The following FLCN variants were observed in gnomAD, a reference collection of about 807,000 sequenced individuals.
FLCN encodes BHD skin lesion fibrofolliculoma protein.
In FLCN, 22 loss-of-function variants were observed where a neutral mutation model predicts 62.5. That is an observed-to-expected ratio of 0.35 (90% CI 0.25 to 0.50). The LOEUF (loss-of-function observed/expected upper bound fraction) is 0.50, where lower values mean the gene tolerates loss of function less well. Among genes scored for constraint, FLCN ranks in the 20% least tolerant of loss-of-function variants. FLCN has a pLI of 0.97. For missense variants in FLCN, 657 were observed against 778.0 expected (o/e 0.84, Z 1.85); for synonymous variants, 319 against 310.0 (o/e 1.03, Z -0.30).
At position 17,226,290 on chromosome 17, in the gene FLCN, T is replaced by C. The variant is rs750553308; in HGVS notation, c.282A>G (p.Gly94=). The change falls in exon 5 of 14, where the codon GGA becomes GGG. Residue 94 remains glycine, a synonymous_variant. Coordinates refer to ENST00000285071, the MANE Select transcript of FLCN (RefSeq NM_144997.7). ...AGGTCTCTTTATCATGGCTGATATA[T>C]CCCGGGTGCCCTGCAGCAAGTGACC... ...GCRSLAAGHP[G]YISHDKETSI... 6.2e-7 allele frequency: 1 copy of C among 1,614,134 alleles called. No homozygotes were observed. The highest frequency in any genetic ancestry group is 1.1e-5 in the South Asian group (1 of 91,082).
At chr17:17,234,403 G>A (rs1019714006) in intron 1 of FLCN, among the ~76,000 whole-genome samples, 2 of 149,584 alleles carry the variant, frequency 1.3e-5, no homozygotes. Context: ...GTAGAGATGG[G>A]GTTTCGCCAT....
intron 6 of FLCN, chr17:17,222,985 G>A (rs1307772099): frequency 2.4e-6 from 1 of 418,000 alleles, no homozygotes; most frequent in Non-Finnish European, 4.5e-6. Context: ...CCCCTTCTGG[G>A]TGCACTACTT....
chr17:17,214,295 CA>C (rs11333971), intron 13 of FLCN, among the ~76,000 whole-genome samples: 35,447 of 145,416 alleles, frequency 0.24, 6,090 homozygotes, highest in African/African-American at 0.5. Flanking sequence ...AATTTGCTTA[CA>C]AAAAAAAAAA....
intron 8 of FLCN, chr17:17,220,493 T>C (rs2047056223): frequency 6.6e-6 from 1 of 152,266 alleles, no homozygotes; most frequent in African/African-American, 2.4e-5. Context: ...AACATCTCCA[T>C]TTCACATCAC....
At chr17:17,222,992 ACTT>A (rs1284420698) in intron 6 of FLCN, 15 of 409,108 alleles carry the variant, frequency 3.7e-5, no homozygotes, top group Admixed American at 1.1e-4. Context: ...TGGGTGCACT[ACTT>A]GGCTAAGGCA....
intron 8 of FLCN, chr17:17,220,186 A>C (rs2047049071): frequency 6.6e-6 from 1 of 152,278 alleles, no homozygotes; most frequent in South Asian, 2.1e-4. Context: ...GTGGGACTAC[A>C]GGCATGCGCC....
At chr17:17,232,293 T>A (rs2047444933) in intron 2 of FLCN, among the ~76,000 whole-genome samples, 1 of 152,164 alleles carries the variant, frequency 6.6e-6, no homozygotes, top group Admixed American at 6.5e-5. Flanking sequence ...TCCCCTGCCC[T>A]GCTTTGAGTC....
intron 8 of FLCN, chr17:17,220,986 G>T (rs1050320687): frequency 9.4e-6 from 4 of 426,542 alleles, no homozygotes; most frequent in Non-Finnish European, 1.7e-5. Context: ...CAGACCTGTA[G>T]CACCAAGATC....
intron 11 of FLCN, among the ~76,000 whole-genome samples, chr17:17,215,522 C>G (rs1046311608): frequency 5.3e-5 from 8 of 152,192 alleles, no homozygotes; most frequent in African/African-American, 1.9e-4. Flanking sequence ...CTCAGTTAAA[C>G]TAATAATTTA....
rs111258744 is a variant in FLCN at position 17,222,569 on chromosome 17, G to A, written c.711C>T (p.Ala237=). ...TTGTCAGCGATGTCAGCGAGCGGGC[G>A]GCGTTGCCGTTCCTCTGGTGTAGGA... is the stretch of plus-strand genomic sequence containing the variant. The part of the protein sequence containing the change: ...TPFLHQRNGN[A]ARSLTSLTSD... The change falls in exon 7 of 14, where the codon GCC becomes GCT. Residue 237 remains alanine (A), a synonymous_variant. Transcript: ENST00000285071. 42 of 1,614,244 alleles carry A rather than the reference G, an allele frequency of 2.6e-5. No homozygotes were observed. The highest frequency in any genetic ancestry group is 2.1e-4 in the African/African-American group (16 of 75,058).
rs397932764 is a variant in FLCN, at chr17:17,212,475, T to TA, written c.*1179dup. ...ACGACATAGCAAGATGCCATCTCTT[T>TA]AAAAAAAAAAAAAAAAAAAAAAAAA... On this transcript the variant is annotated 3_prime_UTR_variant, in exon 14 of 14. Transcript: ENST00000285071. 4,749 of 75,960 alleles carry TA rather than the reference T, an allele frequency of 0.063. 600 individuals are homozygous for TA. The highest frequency in any genetic ancestry group is 0.19 in the African/African-American group (3,432 of 18,034). The allele number at this position is 75,960 out of a possible 1,614,324, so 4.7% of individuals were successfully genotyped here.
Position 17,216,654 on chromosome 17 carries a change from TG to T in FLCN, c.1177-152del. 7.8e-7 allele frequency: 1 copy of T among 1,279,382 alleles called. No homozygotes were observed. The highest frequency in any genetic ancestry group is 1.4e-5 in the South Asian group (1 of 73,922). 79.3% of individuals were successfully genotyped at this position (1,279,382 alleles called of 1,614,324 possible). On this transcript the variant is annotated intron_variant, in intron 10 of 13. Transcript: ENST00000285071. This position sits in a 1 kb window ranked among gnomAD's most constrained non-coding sequence, Gnocchi z 4.0. Reference sequence around the variant, plus strand: ...GAGTCCCCAGACTCTCAGCCCACAGTGGGGGTGAGGGGGGAGGGTCCTCCAC... The same window carrying T: ...GAGTCCCCAGACTCTCAGCCCACAGTGGGGTGAGGGGGGAGGGTCCTCCAC...
intron 1 of FLCN, among the ~76,000 whole-genome samples, chr17:17,233,461 T>C (rs1364810180): frequency 6.6e-6 from 1 of 151,418 alleles, no homozygotes; most frequent in Non-Finnish European, 1.5e-5. Context: ...CAGCCAGGCA[T>C]GGTGACAGGC....
In FLCN at chr17:17,222,545, T is replaced by A. The variant is rs150175875; in HGVS notation, c.735A>T (p.Thr245=). The change falls in exon 7 of 14, where the codon ACA becomes ACT. Residue 245 remains threonine, a synonymous_variant. Coordinates refer to ENST00000285071, the MANE Select transcript of FLCN (RefSeq NM_144997.7). ...GNAARSLTSL[T]SDDNLWACLH... ...GGCACGCCCACAGGTTGTCATCACT[T>A]GTCAGCGATGTCAGCGAGCGGGCGG... The A allele has an allele frequency of 6.2e-7, 1 of 1,614,228 alleles. No individual in the cohort carries two copies. The highest frequency in any genetic ancestry group is 1.1e-5 in the South Asian group (1 of 91,086).
Position 17,216,908 on chromosome 17 carries a change from A to G in FLCN, c.1176+161T>C, listed in dbSNP as rs2046942056. 1.4e-6 allele frequency: 1 copy of G among 693,646 alleles called. No individual in the cohort carries two copies. Among genetic ancestry groups the G allele is most frequent in the South Asian group, 1.5e-5 (1 of 65,304 alleles). The allele number at this position is 693,646 out of a possible 1,614,324, so 43.0% of individuals were successfully genotyped here. A position where few individuals can be genotyped will look rare whatever the true frequency, so the allele number is the denominator to read the frequency against. ...CTTCTGATGATTTAAACATCATCAG[A>G]CCAGACCCGGGTCTCCGTGCCCACT... On this transcript the variant is annotated intron_variant, in intron 10 of 13. Transcript: ENST00000285071. This position sits in a 1 kb window ranked among gnomAD's most constrained non-coding sequence, Gnocchi z 4.0.
rs372207262 is a variant in FLCN at position 17,216,399 on chromosome 17, G to C, written c.1281C>G (p.Pro427=). 1.2e-4 allele frequency: 196 copies of C among 1,613,622 alleles called. No homozygotes were observed. The Middle Eastern group carries it at 4.8e-3, about 39-fold the overall frequency. ...ACGCACCTGAGGAGAGCACGTGGGG[G>C]GGGATCTGCACGTGCGGGCTGAGCC... The part of the protein sequence containing the change: ...FLGLSPHVQI[P]PHVLSSEFAV... The change falls in exon 11 of 14, where the codon CCC becomes CCG. Residue 427 remains proline (P), a synonymous_variant. Transcript: ENST00000285071. The surrounding 1 kb of genome is among the most constrained non-coding windows in gnomAD (Gnocchi z 4.0).
intron 8 of FLCN, chr17:17,221,237 A>G: frequency 6.5e-7 from 1 of 1,535,320 alleles, no homozygotes; most frequent in South Asian, 1.2e-5. Flanking sequence ...TGGCTATCAC[A>G]AAATCGGGAC....
rs1166916336 is a variant in FLCN at position 17,222,505 on chromosome 17, C to T, written c.775G>A (p.Ala259Thr). 1 of 1,614,224 alleles carries T rather than the reference C, an allele frequency of 6.2e-7. No individual in the cohort carries two copies. The highest frequency in any genetic ancestry group is 8.5e-7 in the Non-Finnish European group (1 of 1,180,044). Residue 259 changes from alanine (A) to threonine (T), a missense_variant, in exon 7 of 14, where the codon GCC becomes ACC. Coordinates refer to ENST00000285071, the MANE Select transcript of FLCN (RefSeq NM_144997.7). Reference sequence around the variant, plus strand: ...AAAAGCAGAGACGCCCGTTACCAGGCAAAGGAGGTGTGCAGGCACGCCCAC... The same window carrying T: ...AAAAGCAGAGACGCCCGTTACCAGGTAAAGGAGGTGTGCAGGCACGCCCAC... ...NLWACLHTSF[A>T]WLLKACGSRL... is the part of the protein sequence containing the mutation.
intron 1 of FLCN, among the ~76,000 whole-genome samples, chr17:17,233,781 T>C (rs1486110921): frequency 4.4e-5 from 6 of 135,648 alleles, no homozygotes; most frequent in African/African-American, 1.7e-4. Flanking sequence ...TGGAGTGCAA[T>C]GGCGTGATCT....
Sources: gnomAD v4.1 joint callset for allele counts (sites outside exome capture counted in the v4.1 genomes callset) on GRCh38, gnomAD v4.1.1 for gene constraint, Gnocchi (gnomAD v3.1) non-coding constraint, MANE v1.5 for transcripts, NCBI Gene and HGNC (gene_info 2026-07-23, HGNC 2026-07-21) for gene names.